Variants in GALNT17 observed in about 807,000 individuals in gnomAD.
The protein encoded by GALNT17 is UDP-GalNAc:polypeptide N-acetylgalactosaminyltransferase-like 3.
GALNT17 carries 29 observed loss-of-function variants against 63.7 expected under a neutral mutation model. That is an observed-to-expected ratio of 0.46 (90% CI 0.34 to 0.62). The LOEUF is 0.62. Ranked by LOEUF, GALNT17 falls within the 20% of genes least tolerant of loss-of-function variation. The pLI is 0.01. For synonymous variants in GALNT17, 305 were observed against 318.3 expected (o/e 0.96, Z 0.45); for missense variants, 603 against 799.6 (o/e 0.75, Z 2.97).
chr7:71,525,867 C>G (rs1788616283), intron 5 of GALNT17, among the ~76,000 whole-genome samples: 1 of 150,158 alleles, frequency 6.7e-6, no homozygotes, highest in African/African-American at 2.4e-5. Context: ...ATCTTCCTGA[C>G]TGCTTGGGAC....
intron 2 of GALNT17, among the ~76,000 whole-genome samples, chr7:71,339,520 G>A (rs1283787471): frequency 1.3e-5 from 2 of 152,020 alleles, no homozygotes; most frequent in African/African-American, 4.8e-5. Context: ...CACCCTGTCT[G>A]TACTAAAATA....
intron 6 of GALNT17, among the ~76,000 whole-genome samples, chr7:71,646,380 C>G (rs1002485177): frequency 3.3e-5 from 5 of 152,320 alleles, no homozygotes; most frequent in Admixed American, 1.3e-4. Flanking sequence ...AGGACCAGGG[C>G]TGTTCCTGGA....
chr7:71,500,232 T>A (rs1314249419), intron 5 of GALNT17, among the ~76,000 whole-genome samples: 1 of 152,156 alleles, frequency 6.6e-6, no homozygotes, highest in Non-Finnish European at 1.5e-5. Context: ...CTTATTACAG[T>A]CTTGAATGAC....
At chr7:71,242,780 G>A (rs17142989) in intron 1 of GALNT17, among the ~76,000 whole-genome samples, 14,357 of 152,206 alleles carry the variant, frequency 0.094, 2,276 homozygotes, top group African/African-American at 0.33. Context: ...TAAAGCTGGT[G>A]TCATTTTAGG....
chr7:71,505,819 AG>A (rs1788256604), intron 5 of GALNT17, among the ~76,000 whole-genome samples: 2 of 152,244 alleles, frequency 1.3e-5, no homozygotes, highest in Non-Finnish European at 2.9e-5. Context: ...TTATTTAAAA[AG>A]GTGAGAACAG....
At chr7:71,537,025 T>C (rs1788813332) in intron 5 of GALNT17, among the ~76,000 whole-genome samples, 1 of 152,150 alleles carries the variant, frequency 6.6e-6, no homozygotes, top group African/African-American at 2.4e-5. Context: ...CCATCATCCT[T>C]CTACTGCCTG....
chr7:71,490,289 G>A (rs1787986014), intron 5 of GALNT17, among the ~76,000 whole-genome samples: 1 of 151,732 alleles, frequency 6.6e-6, no homozygotes, highest in Admixed American at 6.6e-5. Context: ...ATCTGGAACA[G>A]TACTCATGGC....
intron 6 of GALNT17, among the ~76,000 whole-genome samples, chr7:71,571,875 T>C (rs1271993695): frequency 6.6e-6 from 1 of 151,488 alleles, no homozygotes; most frequent in East Asian, 2.0e-4. Flanking sequence ...TAGCCAAGCG[T>C]GATGGTGCAT....
At chr7:71,684,290 C>T (rs1029956306) in intron 9 of GALNT17, among the ~76,000 whole-genome samples, 1 of 152,202 alleles carries the variant, frequency 6.6e-6, no homozygotes, top group Non-Finnish European at 1.5e-5. Flanking sequence ...TCTCCAGCCA[C>T]AGCTTCTGAT....
At chr7:71,341,427 G>C (rs1792003020) in intron 2 of GALNT17, among the ~76,000 whole-genome samples, 1 of 152,082 alleles carries the variant, frequency 6.6e-6, no homozygotes, top group Non-Finnish European at 1.5e-5. Context: ...TGAGCTTTCA[G>C]ATTAGAAGAT....
chr7:71,328,665 T>C (rs1278404695), intron 1 of GALNT17, among the ~76,000 whole-genome samples: 1 of 140,334 alleles, frequency 7.1e-6, no homozygotes, highest in Admixed American at 7.3e-5. Context: ...TTTTTTTTTT[T>C]GCTGCTTTGT....
intron 6 of GALNT17, among the ~76,000 whole-genome samples, chr7:71,656,434 G>C (rs894447771): frequency 3.3e-5 from 5 of 152,050 alleles, no homozygotes; most frequent in African/African-American, 1.2e-4. Context: ...TGGGATTGAG[G>C]GGAGCTGCAG....
chr7:71,191,859 GGATA>G (rs1788957010), intron 1 of GALNT17, among the ~76,000 whole-genome samples: 1 of 152,184 alleles, frequency 6.6e-6, no homozygotes, highest in Admixed American at 6.5e-5. Flanking sequence ...AGAACTAATA[GGATA>G]GATGTATATA....
chr7:71,465,696 TA>T (rs1398492356), intron 5 of GALNT17, among the ~76,000 whole-genome samples: 1 of 152,182 alleles, frequency 6.6e-6, no homozygotes, highest in Non-Finnish European at 1.5e-5. Context: ...GGAAAAGGCA[TA>T]CAGATTTATT....
intron 9 of GALNT17, among the ~76,000 whole-genome samples, chr7:71,684,875 A>G (rs1791329191): frequency 6.6e-6 from 1 of 152,052 alleles, no homozygotes; most frequent in East Asian, 1.9e-4. Flanking sequence ...ATGTTGCCCA[A>G]GTTGGTCTGG....
intron 8 of GALNT17, among the ~76,000 whole-genome samples, chr7:71,676,139 T>C (rs1791147067): frequency 6.6e-6 from 1 of 152,146 alleles, no homozygotes; most frequent in Non-Finnish European, 1.5e-5. Context: ...GGTGGTGGGA[T>C]GGATACCCAT....
chr7:71,618,338 G>A (rs937896176), intron 6 of GALNT17, among the ~76,000 whole-genome samples: 5 of 152,182 alleles, frequency 3.3e-5, no homozygotes, highest in African/African-American at 4.8e-5. Flanking sequence ...CCAGTAATGG[G>A]ATGGCTGGCT....
intron 5 of GALNT17, among the ~76,000 whole-genome samples, chr7:71,421,390 A>G (rs1243223143): frequency 6.6e-6 from 1 of 152,144 alleles, no homozygotes; most frequent in Non-Finnish European, 1.5e-5. Flanking sequence ...GTATAGGAGG[A>G]ACTGCGTTCA....
At chr7:71,170,370 C>G (rs1478671771) in intron 1 of GALNT17, among the ~76,000 whole-genome samples, 2 of 152,042 alleles carry the variant, frequency 1.3e-5, no homozygotes, top group Admixed American at 6.6e-5. Context: ...GAGTCTCACT[C>G]TGTCACCCAG....
Sources: gnomAD v4.1 joint callset for allele counts (sites outside exome capture counted in the v4.1 genomes callset) on GRCh38, gnomAD v4.1.1 for gene constraint, MANE v1.5 for transcripts, NCBI Gene and HGNC (gene_info 2026-07-23, HGNC 2026-07-21) for gene names.